The following FOXO3B variants were observed in gnomAD, a reference collection of about 807,000 sequenced individuals.
FOXO3B encodes forkhead box protein O3B.
FOXO3B carries 15 observed loss-of-function variants against 21.9 expected under a neutral mutation model. The ratio of observed to expected loss-of-function variants is 0.68; its 90% CI spans 0.46 to 1.05. The LOEUF is 1.05. Ranked by LOEUF, FOXO3B falls within the 50% of genes least tolerant of loss-of-function variation. The pLI, the probability that FOXO3B is intolerant of heterozygous loss-of-function variation, is 0.00. For synonymous variants in FOXO3B, 135 were observed against 213.6 expected (o/e 0.63, Z 3.21); for missense variants, 293 against 435.5 (o/e 0.67, Z 2.91).
chr17:18,671,356 TAGGCTG>T lies in FOXO3B; in HGVS notation c.*947_*952del. On this transcript the variant is annotated 3_prime_UTR_variant, in exon 4 of 4. Transcript: ENST00000395675. ...TTCTGATTGACCACACTTCCCTGGT[TAGGCTG>T]GGCAGCAAAGGACATCATCGGATCA... 6.2e-7 allele frequency: 1 copy of T among 1,613,726 alleles called. No individual in the cohort carries two copies. Among genetic ancestry groups the T allele is most frequent in the South Asian group, 1.1e-5 (1 of 91,038 alleles).
intron 3 of FOXO3B, among the ~76,000 whole-genome samples, chr17:18,676,286 C>G (rs2032480467): frequency 6.6e-6 from 1 of 152,144 alleles, no homozygotes; most frequent in East Asian, 1.9e-4. Context: ...TAAAGCTAAA[C>G]ATGTGATGAT....
At chr17:18,674,866 C>T (rs1272828910) in intron 3 of FOXO3B, among the ~76,000 whole-genome samples, 5 of 152,094 alleles carry the variant, frequency 3.3e-5, no homozygotes, top group Non-Finnish European at 7.4e-5. Flanking sequence ...ACACCATGTC[C>T]CACAAAGCGT....
In FOXO3B at chr17:18,672,313, C is replaced by T. The variant is rs1367170120; in HGVS notation, c.869G>A (p.Gly290Asp). 1 of 1,612,494 alleles carries T rather than the reference C, an allele frequency of 6.2e-7. No individual in the cohort carries two copies. Among genetic ancestry groups the T allele is most frequent in the Non-Finnish European group, 8.5e-7 (1 of 1,178,966 alleles). Reference protein sequence around the residue: ...KDKGNSNSSAG With the variant: ...KDKGNSNSSAD ...GTTGTGCCGGATGGAGTTCTTCTAG[C>T]CGGCAGAGCTGTTGCTGTTGCCCTT... The change falls in exon 4 of 4, where the codon GGC becomes GAC. Residue 290 changes from glycine (G) to aspartate (D), a missense_variant. Physicochemically the swap from Gly to Asp is moderately conservative, Grantham distance 94 (BLOSUM62 -1). Around this residue, in one of 2 missense-constraint regions of FOXO3B, gnomAD observed 42 missense variants for 31.5 expected, o/e 1.33. Transcript: ENST00000395675. This position sits in a 1 kb window ranked among gnomAD's most constrained non-coding sequence, Gnocchi z 4.2.
rs2032312656 is a variant in FOXO3B, at chr17:18,668,795, C to A, written c.*3514G>T. On this transcript the variant is annotated 3_prime_UTR_variant, in exon 4 of 4. Transcript: ENST00000395675. The stretch of plus-strand genomic sequence containing the variant: ...TCCCTTAGGAAGCTTGGAGAGGCAA[C>A]CCTCCTTCACTGCTACTGGAAAGTT... 1 of 152,048 alleles carries A rather than the reference C, an allele frequency of 6.6e-6. No homozygotes were observed. The highest frequency in any genetic ancestry group is 6.5e-5 in the Admixed American group (1 of 15,276). The allele number at this position is 152,048 out of a possible 1,614,324, so 9.4% of individuals were successfully genotyped here. A position where few individuals can be genotyped will look rare whatever the true frequency, so the allele number is the denominator to read the frequency against.
chr17:18,677,903 TGG>T, intron 3 of FOXO3B: 1 of 403,544 alleles, frequency 2.5e-6, no homozygotes, highest in Non-Finnish European at 3.7e-6. Flanking sequence ...TAAATAAAGT[TGG>T]AAAAGCAAAA....
At position 18,669,158 on chromosome 17, in the gene FOXO3B, T is replaced by C. The variant is rs1016672130; in HGVS notation, c.*3151A>G. On this transcript the variant is annotated 3_prime_UTR_variant, in exon 4 of 4. Coordinates refer to ENST00000395675, the MANE Select transcript of FOXO3B (RefSeq NM_001368135.1). The stretch of plus-strand genomic sequence containing the variant: ...ACTCTCATTATGCTAGGAGCTGTGA[T>C]CACCACCAATATCACCCCCAGAGGA... 5 of 139,000 alleles carry C rather than the reference T, an allele frequency of 3.6e-5. No homozygotes were observed. The highest frequency in any genetic ancestry group is 3.2e-3 in the Middle Eastern group (1 of 308). The allele number at this position is 139,000 out of a possible 1,614,324, so 8.6% of individuals were successfully genotyped here.
At chr17:18,679,632 A>C (rs7216724) in intron 3 of FOXO3B, among the ~76,000 whole-genome samples, 26,156 of 151,454 alleles carry the variant, frequency 0.17, 2,713 homozygotes, top group African/African-American at 0.29. Context: ...ATTTTAAGTA[A>C]AGACGAGGTT....
intron 3 of FOXO3B, among the ~76,000 whole-genome samples, chr17:18,675,945 T>C (rs1464239499): frequency 6.6e-6 from 1 of 152,218 alleles, no homozygotes; most frequent in Non-Finnish European, 1.5e-5. Flanking sequence ...TAATTCTATA[T>C]GCCTAACACA....
Position 18,671,699 on chromosome 17 carries a change from C to A in FOXO3B, c.*610G>T. 6.2e-7 allele frequency: 1 copy of A among 1,613,582 alleles called. No homozygotes were observed. Among genetic ancestry groups the A allele is most frequent in the Non-Finnish European group, 8.5e-7 (1 of 1,180,002 alleles). ...TGGTATACGGGAAGCTAGAACTCCGCTGCATGAGTCCCCCAGTGGGCGATG... is the reference window on the plus strand; with the variant it reads ...TGGTATACGGGAAGCTAGAACTCCGATGCATGAGTCCCCCAGTGGGCGATG... On this transcript the variant is annotated 3_prime_UTR_variant, in exon 4 of 4. Coordinates refer to ENST00000395675, the MANE Select transcript of FOXO3B (RefSeq NM_001368135.1).
At chr17:18,676,917 G>C (rs1348032535) in intron 3 of FOXO3B, among the ~76,000 whole-genome samples, 1 of 152,208 alleles carries the variant, frequency 6.6e-6, no homozygotes, top group Non-Finnish European at 1.5e-5. Flanking sequence ...TGGCCAGGCT[G>C]GTCTCAAACT....
chr17:18,677,752 G>T, intron 3 of FOXO3B: 2 of 1,501,308 alleles, frequency 1.3e-6, no homozygotes, highest in Non-Finnish European at 1.8e-6. Context: ...GCGCTACGGC[G>T]GCTGTAGTGG....
At chr17:18,677,867 G>T in intron 3 of FOXO3B, 1 of 855,914 alleles carries the variant, frequency 1.2e-6, no homozygotes. Context: ...GGGTACAGGG[G>T]GCACTGAGAC....
At chr17:18,677,579 C>G in intron 3 of FOXO3B, 1 of 1,603,658 alleles carries the variant, frequency 6.2e-7, no homozygotes, top group Non-Finnish European at 8.5e-7. Flanking sequence ...GGCCCAGCGG[C>G]AGGGCCAAAG....
intron 1 of FOXO3B, 65 bp from the exon 2 acceptor site, chr17:18,681,911 C>A: frequency 3.2e-6 from 2 of 630,910 alleles, no homozygotes. Context: ...CCGCTTGAAG[C>A]TGTCCCTGGG....
At chr17:18,677,929 A>AAAAG (rs2032524295) in intron 3 of FOXO3B, among the ~76,000 whole-genome samples, 1 of 149,990 alleles carries the variant, frequency 6.7e-6, no homozygotes, top group Non-Finnish European at 1.5e-5. Context: ...AAAAAAAAAA[A>AAAAG]AAAGAAAGAA....
intron 3 of FOXO3B, among the ~76,000 whole-genome samples, chr17:18,673,452 CT>C (rs1407840761): frequency 6.6e-6 from 1 of 152,076 alleles, no homozygotes; most frequent in East Asian, 1.9e-4. Context: ...TGAAATTTTT[CT>C]GTTTTAACTT....
intron 2 of FOXO3B, among the ~76,000 whole-genome samples, 190 bp from the exon 3 acceptor site, chr17:18,681,019 G>C (rs545450990): frequency 6.6e-6 from 1 of 151,836 alleles, no homozygotes; most frequent in African/African-American, 2.4e-5. Context: ...CTCTGGGCTC[G>C]AATTCAGTTG....
At chr17:18,680,602 C>T in intron 3 of FOXO3B, 139 bp downstream of exon 3, 2 of 645,556 alleles carry the variant, frequency 3.1e-6, no homozygotes, top group South Asian at 2.2e-5. Flanking sequence ...CCATTAGTCT[C>T]CTGACTAGTC....
chr17:18,670,946 A>T lies in FOXO3B; in HGVS notation c.*1363T>A. Reference sequence around the variant, plus strand: ...TCTGAGATGAGGCCTGCTTAGCACCAGTGAAGTTCCCCACGTTCAAACCAA... The same window carrying T: ...TCTGAGATGAGGCCTGCTTAGCACCTGTGAAGTTCCCCACGTTCAAACCAA... On this transcript the variant is annotated 3_prime_UTR_variant, in exon 4 of 4. Transcript: ENST00000395675. 1.4e-6 allele frequency: 2 copies of T among 1,438,228 alleles called. No individual in the cohort carries two copies. Among genetic ancestry groups the T allele is most frequent in the African/African-American group, 1.4e-5 (1 of 70,008 alleles). 89.1% of individuals were successfully genotyped at this position (1,438,228 alleles called of 1,614,324 possible).
Sources: allele counts gnomAD v4.1 joint callset (sites outside exome capture counted in the v4.1 genomes callset), GRCh38; gene constraint gnomAD v4.1.1; regional missense constraint gnomAD v4.1.1; non-coding constraint Gnocchi (gnomAD v3.1); transcripts MANE v1.5; gene names NCBI Gene and HGNC (gene_info 2026-07-23, HGNC 2026-07-21).